The following CHCHD6 variants were observed in gnomAD, a reference collection of about 807,000 sequenced individuals.
CHCHD6 encodes MICOS complex subunit MIC25.
A neutral mutation model predicts 32.3 loss-of-function variants in CHCHD6; 28 were observed. The observed-to-expected ratio is 0.87, with a 90% CI of 0.64 to 1.19. CHCHD6 has a LOEUF of 1.19. Among genes scored for constraint, CHCHD6 ranks in the 50% most tolerant of loss-of-function variants. The pLI, the probability that CHCHD6 is intolerant of heterozygous loss-of-function variation, is 0.00. For missense variants in CHCHD6, 333 were observed against 307.0 expected, an observed-to-expected ratio of 1.08 and a Z score of -0.63; for synonymous variants, 122 against 117.5, an observed-to-expected ratio of 1.04 and a Z score of -0.25.
At chr3:126,861,474 A>G (rs1039011454) in intron 5 of CHCHD6, among the ~76,000 whole-genome samples, 3 of 151,826 alleles carry the variant, frequency 2.0e-5, no homozygotes, top group African/African-American at 4.8e-5. Flanking sequence ...TAAGCACTTC[A>G]TAAAAGATTT....
intron 4 of CHCHD6, among the ~76,000 whole-genome samples, chr3:126,791,549 C>T (rs1387170980): frequency 2.6e-5 from 4 of 152,268 alleles, no homozygotes; most frequent in Non-Finnish European, 5.9e-5. Context: ...AGCCTCACTG[C>T]TTCCTTGCAG....
At chr3:126,779,260 C>T (rs968167765) in intron 4 of CHCHD6, among the ~76,000 whole-genome samples, 10 of 151,906 alleles carry the variant, frequency 6.6e-5, no homozygotes, top group East Asian at 1.9e-4. Context: ...AGTTTTAGGC[C>T]GGGTGCAGTG....
chr3:126,782,764 G>A (rs1038564416), intron 4 of CHCHD6, among the ~76,000 whole-genome samples: 1 of 152,134 alleles, frequency 6.6e-6, no homozygotes, highest in Non-Finnish European at 1.5e-5. Context: ...AGTGGAGGGT[G>A]GAGCACTTCG....
intron 2 of CHCHD6, among the ~76,000 whole-genome samples, chr3:126,729,331 C>T (rs1305851978): frequency 2.0e-5 from 3 of 152,096 alleles, no homozygotes; most frequent in Admixed American, 6.5e-5. Context: ...AGGATCTCCA[C>T]GTCACTAATA....
intron 4 of CHCHD6, among the ~76,000 whole-genome samples, chr3:126,801,654 C>T (rs1416074943): frequency 6.6e-6 from 1 of 152,234 alleles, no homozygotes; most frequent in Non-Finnish European, 1.5e-5. Context: ...AACAAAAAGA[C>T]AGCAGTAACC....
intron 1 of CHCHD6, among the ~76,000 whole-genome samples, chr3:126,720,219 C>G (rs887592200): frequency 3.9e-5 from 6 of 152,142 alleles, no homozygotes; most frequent in African/African-American, 1.4e-4. Flanking sequence ...TCTTCCTGGT[C>G]ACGCAGCCCT....
chr3:126,852,614 T>A, intron 4 of CHCHD6, 33 bp from the exon 5 acceptor site: 1 of 1,558,898 alleles, frequency 6.4e-7, no homozygotes, highest in Middle Eastern at 1.7e-4. Flanking sequence ...CCATCGCTGC[T>A]GGCTAACGTG....
In CHCHD6 at chr3:126,704,355, G is replaced by C. The variant is rs1463030784; in HGVS notation, c.43G>C (p.Gly15Arg). Reference sequence around the variant, plus strand: ...CAGCGAGGGCCGCAGGGTGTCCTTCGGAGTGGACGAGGAGGAGCGGGTCCG... The same window carrying C: ...CAGCGAGGGCCGCAGGGTGTCCTTCCGAGTGGACGAGGAGGAGCGGGTCCG... ...ESSEGRRVSFGVDEEERVRVL... is the reference protein window; with the variant it reads ...ESSEGRRVSFRVDEEERVRVL... Residue 15 changes from glycine (G) to arginine (R), a missense_variant, in exon 1 of 8, where the codon GGA becomes CGA. Transcript: ENST00000290913. 2 of 1,594,418 alleles carry C rather than the reference G, an allele frequency of 1.3e-6. No individual in the cohort carries two copies. Among genetic ancestry groups the C allele is most frequent in the Non-Finnish European group, 1.7e-6 (2 of 1,171,898 alleles).
chr3:126,785,695 A>C (rs532431170), intron 4 of CHCHD6, among the ~76,000 whole-genome samples: 1 of 152,162 alleles, frequency 6.6e-6, no homozygotes, highest in Non-Finnish European at 1.5e-5. Context: ...ATCACTATGC[A>C]TTTCCAGATT....
In CHCHD6 at chr3:126,742,476, A is replaced by G. The variant is rs1341734745; in HGVS notation, c.411+9254A>G. Among the ~76,000 whole-genome samples, 7 of 152,102 alleles carry G rather than the reference A, an allele frequency of 4.6e-5. No homozygotes were observed. In the East Asian group the frequency reaches 1.3e-3, roughly 29 times the overall value. ...TTGTGATGGTATCCTTGGTATTATG[A>G]TTTGAATATTTGTCCCCTTCAAAAC... is the stretch of plus-strand genomic sequence containing the variant. On this transcript the variant is annotated intron_variant, in intron 4 of 7. Transcript: ENST00000290913.
At chr3:126,766,878 G>A (rs1937389993) in intron 4 of CHCHD6, 3 of 972,174 alleles carry the variant, frequency 3.1e-6, no homozygotes, top group East Asian at 2.4e-5. Flanking sequence ...TCACCAGGTG[G>A]GGGACCATCT....
intron 4 of CHCHD6, among the ~76,000 whole-genome samples, chr3:126,825,571 A>T (rs1223951616): frequency 1.3e-5 from 2 of 152,190 alleles, no homozygotes; most frequent in African/African-American, 4.8e-5. Flanking sequence ...ATAAATATGC[A>T]AATAATTATT....
At chr3:126,773,198 T>C (rs1490224790) in intron 4 of CHCHD6, among the ~76,000 whole-genome samples, 1 of 152,194 alleles carries the variant, frequency 6.6e-6, no homozygotes, top group East Asian at 1.9e-4. Flanking sequence ...TTATATGTCT[T>C]GGGGATGGTC....
intron 5 of CHCHD6, among the ~76,000 whole-genome samples, chr3:126,893,246 G>A (rs964819926): frequency 1.3e-5 from 2 of 152,222 alleles, no homozygotes; most frequent in African/African-American, 4.8e-5. Flanking sequence ...ACAGGCATGA[G>A]CCACAGCGCC....
intron 5 of CHCHD6, among the ~76,000 whole-genome samples, chr3:126,884,414 C>CTA (rs760082226): frequency 2.0e-5 from 3 of 151,990 alleles, no homozygotes; most frequent in East Asian, 1.9e-4. Flanking sequence ...ATAATTTATA[C>CTA]TATATATATA....
intron 6 of CHCHD6, among the ~76,000 whole-genome samples, chr3:126,928,683 G>A (rs565228580): frequency 2.6e-5 from 4 of 152,288 alleles, no homozygotes; most frequent in African/African-American, 9.6e-5. Context: ...CCTGGGAAGC[G>A]GAGGCTCTCT....
At chr3:126,765,172 TCCCATCTA>T (rs1559830503) in intron 4 of CHCHD6, among the ~76,000 whole-genome samples, 1 of 152,294 alleles carries the variant, frequency 6.6e-6, no homozygotes, top group East Asian at 1.9e-4. Flanking sequence ...TATTTAACTT[TCCCATCTA>T]CCCAGTTCTC....
intron 4 of CHCHD6, among the ~76,000 whole-genome samples, chr3:126,801,844 C>T (rs953517205): frequency 3.3e-5 from 5 of 152,152 alleles, no homozygotes; most frequent in African/African-American, 1.2e-4. Flanking sequence ...CTCACACAGC[C>T]GGGTACTCCT....
At chr3:126,743,358 G>C (rs963365121) in intron 4 of CHCHD6, among the ~76,000 whole-genome samples, 3 of 152,140 alleles carry the variant, frequency 2.0e-5, no homozygotes, top group Non-Finnish European at 4.4e-5. Context: ...ACAGGTCTGC[G>C]GATGCCTTCA....
Sources: gnomAD v4.1 joint callset for allele counts (sites outside exome capture counted in the v4.1 genomes callset) on GRCh38, gnomAD v4.1.1 for gene constraint, MANE v1.5 for transcripts, NCBI Gene and HGNC (gene_info 2026-07-23, HGNC 2026-07-21) for gene names.